The following CSPP1 variants were observed in gnomAD, a reference collection of about 807,000 sequenced individuals.
The protein encoded by CSPP1 is centrosome and spindle pole-associated protein 1.
CSPP1 carries 126 observed loss-of-function variants against 164.4 expected under a neutral mutation model. The ratio of observed to expected loss-of-function variants is 0.77; its 90% confidence interval spans 0.66 to 0.89. The LOEUF (loss-of-function observed/expected upper bound fraction) is 0.89. CSPP1 is among the 40% of genes least tolerant of loss of function. CSPP1 has a pLI of 0.00. For synonymous variants in CSPP1, 472 were observed against 476.7 expected (o/e 0.99, Z 0.13); for missense variants, 1,395 against 1,449.8 (o/e 0.96, Z 0.61).
chr8:67,064,403 T>G lies in CSPP1; in HGVS notation c.-146T>G. ...GCCCCGGCCCGGAGGTCTGTCATGC[T>G]GTTCCCGCTCCAGGTGGCCGCTGTA... On this transcript the variant is annotated 5_prime_UTR_variant, in exon 1 of 31. Transcript: ENST00000678616. The G allele has an allele frequency of 1.2e-6, 2 of 1,613,582 alleles. No homozygotes were observed. Among genetic ancestry groups the G allele is most frequent in the Non-Finnish European group, 1.7e-6 (2 of 1,179,832 alleles).
At position 67,175,540 on chromosome 8, in the gene CSPP1, C is replaced by A. The variant is rs767330628; in HGVS notation, c.3109+104C>A. The A allele has an allele frequency of 4.3e-5, 58 of 1,343,394 alleles. 1 individual carries two copies. Among genetic ancestry groups the A allele is most frequent in the Non-Finnish European group, 5.8e-5 (55 of 948,002 alleles). The allele number at this position is 1,343,394 out of a possible 1,614,324, so 83.2% of individuals were successfully genotyped here. On this transcript the variant is annotated intron_variant, in intron 26 of 30. Transcript: ENST00000678616. The stretch of plus-strand genomic sequence containing the variant: ...TTCATTCCCAGGCATCCTCCTTTCA[C>A]TGGCAGCCCCATGCTCACAGGGTCC...
At chr8:67,080,415 A>T (rs2129542393) in intron 3 of CSPP1, among the ~76,000 whole-genome samples, 2 of 152,348 alleles carry the variant, frequency 1.3e-5, no homozygotes, top group South Asian at 4.1e-4. Flanking sequence ...GATGATATTC[A>T]TGGTTAATTC....
intron 3 of CSPP1, chr8:67,081,041 T>A (rs765033540): frequency 3.9e-5 from 6 of 152,266 alleles, no homozygotes; most frequent in Admixed American, 6.5e-5. Flanking sequence ...AATCACATGG[T>A]TGGTTTTTCT....
chr8:67,179,239 A>G (rs190020146), intron 27 of CSPP1, among the ~76,000 whole-genome samples: 11 of 152,180 alleles, frequency 7.2e-5, no homozygotes, highest in African/African-American at 2.4e-4. Flanking sequence ...AATAAGCCCA[A>G]TCTTAGCATT....
rs373559136 is a variant in CSPP1, at chr8:67,086,059, A to G, written c.252A>G (p.Lys84=). 6 of 1,533,078 alleles carry G rather than the reference A, an allele frequency of 3.9e-6. No individual in the cohort carries two copies. The African/African-American group carries it at 4.1e-5, about 10-fold the overall frequency. 95.0% of individuals were successfully genotyped at this position (1,533,078 alleles called of 1,614,324 possible). A position where few individuals can be genotyped will look rare whatever the true frequency, so the allele number is the denominator to read the frequency against. Reference sequence around the variant, plus strand: ...TTGGAGAAGACTATGAACGGAAGAAACATAAATTAAAAGAAGAATTGCGGC... The same window carrying G: ...TTGGAGAAGACTATGAACGGAAGAAGCATAAATTAAAAGAAGAATTGCGGC... ...LPLGEDYERK[K]HKLKEELRQD... The change falls in exon 4 of 31, where the codon AAA becomes AAG. Residue 84 remains lysine (K), a synonymous_variant. Transcript: ENST00000678616.
intron 3 of CSPP1, chr8:67,084,252 C>T (rs1312410525): frequency 6.6e-6 from 1 of 152,008 alleles, no homozygotes; most frequent in Non-Finnish European, 1.5e-5. Context: ...AAGAGGTGTC[C>T]CTAAGGAATC....
In CSPP1 at chr8:67,116,076, T is replaced by C. The variant is rs1258712584; in HGVS notation, c.1450T>C (p.Leu484=). 3 of 1,614,134 alleles carry C rather than the reference T, an allele frequency of 1.9e-6. No homozygotes were observed. Among genetic ancestry groups the C allele is most frequent in the South Asian group, 1.1e-5 (1 of 91,088 alleles). ...VHPVPSQNED[L]RSGLSSALGE... ...TCCTGTTCCTTCTCAAAATGAAGATTTGCGCAGTGGACTCAGCAGCGCCCT... is the reference window on the plus strand; with the variant it reads ...TCCTGTTCCTTCTCAAAATGAAGATCTGCGCAGTGGACTCAGCAGCGCCCT... The change falls in exon 13 of 31, where the codon TTG becomes CTG. Residue 484 remains leucine (L), a synonymous_variant. Coordinates refer to ENST00000678616, the MANE Select transcript of CSPP1 (RefSeq NM_001382391.1).
At chr8:67,161,733 T>TA in intron 21 of CSPP1, 78 bp from the exon 22 acceptor site, 1 of 701,834 alleles carries the variant, frequency 1.4e-6, no homozygotes, top group Middle Eastern at 2.4e-4. Context: ...TTCTTAACTA[T>TA]AAGGGGTGTG....
chr8:67,100,809 A>G (rs1250468404), intron 7 of CSPP1, among the ~76,000 whole-genome samples: 3 of 149,398 alleles, frequency 2.0e-5, no homozygotes, highest in Admixed American at 1.3e-4. Flanking sequence ...ATATATAAAT[A>G]AAGATTATTT....
intron 16 of CSPP1, 53 bp downstream of exon 16, chr8:67,132,133 G>T: frequency 6.5e-7 from 1 of 1,534,370 alleles, no homozygotes; most frequent in Non-Finnish European, 8.8e-7. Flanking sequence ...TAAGCATGGT[G>T]GTCCCTTAGA....
chr8:67,094,119 GAAAAAAAAAAAAAA>G (rs71249416), intron 6 of CSPP1, among the ~76,000 whole-genome samples: 2 of 29,452 alleles, frequency 6.8e-5, no homozygotes, highest in Non-Finnish European at 1.1e-4. Flanking sequence ...GACCTGGTCT[GAAAAAAAAAAAAAA>G]AAAAAAAAAA....
intron 18 of CSPP1, 77 bp from the exon 19 acceptor site, chr8:67,153,934 ATGAATTTATTAGC>A (rs1826187643): frequency 1.7e-6 from 1 of 593,974 alleles, no homozygotes. Context: ...TTTTTTAAAA[ATGAATTTATTAGC>A]AAACTGTTCA....
At chr8:67,081,081 C>T (rs974932536) in intron 3 of CSPP1, 1 of 152,226 alleles carries the variant, frequency 6.6e-6, no homozygotes, top group Non-Finnish European at 1.5e-5. Context: ...TTTGTCTTCT[C>T]TGTAGCATAA....
intron 25 of CSPP1, chr8:67,173,598 C>T (rs1472225225): frequency 6.6e-6 from 1 of 151,962 alleles, no homozygotes; most frequent in Non-Finnish European, 1.5e-5. Flanking sequence ...AGTCAAACTA[C>T]CTATATGTAA....
chr8:67,190,998 C>T (rs1427518085), intron 29 of CSPP1, among the ~76,000 whole-genome samples: 4 of 152,212 alleles, frequency 2.6e-5, no homozygotes, highest in African/African-American at 9.6e-5. Flanking sequence ...AGTAGCTCCT[C>T]ATCCCAACCT....
intron 22 of CSPP1, 104 bp from the exon 23 acceptor site, chr8:67,163,628 G>A: frequency 2.7e-6 from 2 of 731,678 alleles, no homozygotes; most frequent in Non-Finnish European, 4.6e-6. Context: ...GGATAGTGTG[G>A]AGTTTGGTTT....
chr8:67,064,509 C>A lies in CSPP1; in HGVS notation c.-40C>A. The A allele has an allele frequency of 6.2e-7, 1 of 1,613,312 alleles. No individual in the cohort carries two copies. Among genetic ancestry groups the A allele is most frequent in the Non-Finnish European group, 8.5e-7 (1 of 1,179,786 alleles). ...CCCGCTCCCCTGAGTAAGAGTCAGC[C>A]AGCCGCGGATGGGGAGCGTGAGTGG... On this transcript the variant is annotated 5_prime_UTR_variant, in exon 1 of 31. Transcript: ENST00000678616.
intron 1 of CSPP1, among the ~76,000 whole-genome samples, chr8:67,065,198 C>T (rs1479427928): frequency 6.6e-6 from 1 of 152,096 alleles, no homozygotes; most frequent in African/African-American, 2.4e-5. Context: ...ACCGTATTTC[C>T]CCCCGTGATT....
chr8:67,175,581 C>T, intron 26 of CSPP1, 145 bp downstream of exon 26: 1 of 908,090 alleles, frequency 1.1e-6, no homozygotes, highest in Non-Finnish European at 1.8e-6. Flanking sequence ...GTCTGTAGTA[C>T]CAGAAAAGAA....
Sources: gnomAD v4.1 joint callset for allele counts (sites outside exome capture counted in the v4.1 genomes callset) on GRCh38, gnomAD v4.1.1 for gene constraint, MANE v1.5 for transcripts, NCBI Gene and HGNC (gene_info 2026-07-23, HGNC 2026-07-21) for gene names.